PPM1L: variants seen among roughly 807,000 people sequenced by gnomAD.
PPM1L encodes protein phosphatase, Mg2+/Mn2+ dependent 1L, also known as protein phosphatase 1L.
A neutral mutation model predicts 31.4 loss-of-function variants in PPM1L; 13 were observed. The ratio of observed to expected loss-of-function variants is 0.41; its 90% CI spans 0.27 to 0.66. The LOEUF (loss-of-function observed/expected upper bound fraction) is 0.66, where lower values mean the gene tolerates loss of function less well. Ranked by LOEUF, PPM1L falls within the 30% of genes least tolerant of loss-of-function variation. The pLI is 0.29. For missense variants in PPM1L, 326 were observed against 453.7 expected, an observed-to-expected ratio of 0.72 and a Z score of 2.56; for synonymous variants, 184 against 175.4, an observed-to-expected ratio of 1.05 and a Z score of -0.39.
intron 1 of PPM1L, among the ~76,000 whole-genome samples, chr3:160,911,868 TC>T (rs1713982969): frequency 6.6e-6 from 1 of 152,162 alleles, no homozygotes; most frequent in South Asian, 2.1e-4. Context: ...TGGCATTGGT[TC>T]CATACTAATG....
intron 1 of PPM1L, among the ~76,000 whole-genome samples, chr3:160,761,049 T>G (rs113623351): frequency 0.017 from 2,513 of 152,292 alleles, 63 homozygotes; most frequent in African/African-American, 0.057. Flanking sequence ...TATATAGTCT[T>G]ATTCTTTAGA....
intron 1 of PPM1L, among the ~76,000 whole-genome samples, chr3:160,850,715 A>G (rs566100465): frequency 5.9e-4 from 89 of 152,042 alleles, no homozygotes; most frequent in African/African-American, 2.1e-3. Flanking sequence ...CCAAATATAT[A>G]TTTCTTATTA....
intron 1 of PPM1L, among the ~76,000 whole-genome samples, chr3:160,764,613 C>T (rs569028388): frequency 1.5e-4 from 22 of 151,382 alleles, no homozygotes; most frequent in African/African-American, 4.4e-4. Context: ...ATTACAGGCA[C>T]CCGCCACTAT....
chr3:160,893,570 C>T (rs1397134443), intron 1 of PPM1L, among the ~76,000 whole-genome samples: 2 of 152,118 alleles, frequency 1.3e-5, no homozygotes, highest in African/African-American at 4.8e-5. Flanking sequence ...TGAAATAGAC[C>T]AAGATTATCC....
intron 2 of PPM1L, among the ~76,000 whole-genome samples, chr3:161,049,593 T>C (rs1719204471): frequency 6.6e-6 from 1 of 152,168 alleles, no homozygotes. Context: ...CAATCTGATA[T>C]TGGTGAGCTT....
chr3:161,035,857 G>T (rs150158862), intron 2 of PPM1L: 135 of 152,312 alleles, frequency 8.9e-4, no homozygotes, highest in African/African-American at 3.2e-3. Flanking sequence ...ATGATTGAAC[G>T]TACTCAAGAA....
chr3:160,822,382 G>A (rs997702802), intron 1 of PPM1L, among the ~76,000 whole-genome samples: 11 of 151,798 alleles, frequency 7.2e-5, no homozygotes, highest in African/African-American at 2.4e-4. Flanking sequence ...TACCTTATAG[G>A]ACACCTCTCA....
At chr3:160,919,901 G>T (rs1714329547) in intron 1 of PPM1L, among the ~76,000 whole-genome samples, 1 of 152,138 alleles carries the variant, frequency 6.6e-6, no homozygotes, top group African/African-American at 2.4e-5. Context: ...AGCCCTGCTT[G>T]CTGGTGAGGT....
intron 2 of PPM1L, among the ~76,000 whole-genome samples, chr3:161,041,005 T>C (rs564118829): frequency 6.6e-6 from 1 of 152,348 alleles, no homozygotes; most frequent in South Asian, 2.1e-4. Flanking sequence ...CTAAAGAGGT[T>C]ACCTAAGAGT....
At chr3:160,842,207 G>T in intron 1 of PPM1L, 1 of 697,270 alleles carries the variant, frequency 1.4e-6, no homozygotes. Flanking sequence ...GAGATAGGAA[G>T]AATTCATGCA....
At chr3:160,778,127 T>A (rs1175449681) in intron 1 of PPM1L, among the ~76,000 whole-genome samples, 1 of 152,170 alleles carries the variant, frequency 6.6e-6, no homozygotes, top group Admixed American at 6.5e-5. Context: ...TAACTGAGCA[T>A]TTTTTATCTG....
At chr3:160,770,296 A>G (rs1393601039) in intron 1 of PPM1L, among the ~76,000 whole-genome samples, 1 of 152,158 alleles carries the variant, frequency 6.6e-6, no homozygotes, top group Non-Finnish European at 1.5e-5. Flanking sequence ...ATATTTTTTA[A>G]TACTGATGAT....
At chr3:161,060,619 G>A (rs1719541654) in intron 2 of PPM1L, among the ~76,000 whole-genome samples, 1 of 151,994 alleles carries the variant, frequency 6.6e-6, no homozygotes, top group South Asian at 2.1e-4. Context: ...TCTGGCTTGA[G>A]CAATGGAGTG....
chr3:160,899,036 C>T lies in PPM1L; in HGVS notation c.400-62700C>T, dbSNP rs142418802. ...TCTAACGTTCCAGTGTTCATAATAG[C>T]TTTCCTTTGTCTAGCTATGTTCCAG... is the stretch of plus-strand genomic sequence containing the variant. On this transcript the variant is annotated intron_variant, in intron 1 of 3. Coordinates refer to ENST00000498165, the MANE Select transcript of PPM1L (RefSeq NM_139245.4). Among the ~76,000 whole-genome samples the T allele has an allele frequency of 3.7e-3, 566 of 152,226 alleles. 2 individuals are homozygous for T. The highest frequency in any genetic ancestry group is 0.013 in the African/African-American group (546 of 41,526).
intron 2 of PPM1L, among the ~76,000 whole-genome samples, chr3:161,016,029 C>A (rs1168396176): frequency 6.6e-6 from 1 of 152,120 alleles, no homozygotes; most frequent in East Asian, 1.9e-4. Context: ...CTGTCAACTT[C>A]ATGGGTGGCA....
chr3:160,858,986 C>T (rs1187965594), intron 1 of PPM1L, among the ~76,000 whole-genome samples: 4 of 152,154 alleles, frequency 2.6e-5, no homozygotes, highest in Non-Finnish European at 4.4e-5. Context: ...ATCTATACTT[C>T]CCGTGGCCAC....
intron 1 of PPM1L, among the ~76,000 whole-genome samples, chr3:160,862,867 A>G (rs938760270): frequency 1.3e-5 from 2 of 152,200 alleles, no homozygotes; most frequent in African/African-American, 2.4e-5. Flanking sequence ...ACTAGTGTAA[A>G]GAATACCTCT....
At chr3:161,052,110 C>T (rs967117713) in intron 2 of PPM1L, among the ~76,000 whole-genome samples, 6 of 152,318 alleles carry the variant, frequency 3.9e-5, no homozygotes, top group East Asian at 1.9e-4. Flanking sequence ...CAGCGGTTCT[C>T]AGCAGTTTTC....
intron 1 of PPM1L, among the ~76,000 whole-genome samples, chr3:160,801,141 A>T (rs1003650335): frequency 6.7e-6 from 1 of 149,542 alleles, no homozygotes; most frequent in Non-Finnish European, 1.5e-5. Context: ...ACACACACAC[A>T]CACACACACA....
Sources: allele counts gnomAD v4.1 joint callset (sites outside exome capture counted in the v4.1 genomes callset), GRCh38; gene constraint gnomAD v4.1.1; transcripts MANE v1.5; gene names NCBI Gene and HGNC (gene_info 2026-07-23, HGNC 2026-07-21).